ROCK1: variants seen among roughly 807,000 people sequenced by gnomAD.
The protein encoded by ROCK1 is Rho associated coiled-coil containing protein kinase 1, also known as rho-associated protein kinase 1.
Under a neutral mutation model 196.8 loss-of-function variants are expected in ROCK1, and 36 were observed. The observed-to-expected ratio is 0.18, with a 90% CI of 0.14 to 0.24. The LOEUF is 0.24. ROCK1 is among the 10% of genes least tolerant of loss of function. The probability of loss-of-function intolerance (pLI) is 1.00; values close to 1 mark genes in which losing one functional copy is unlikely to be tolerated. For missense variants in ROCK1, 920 were observed against 1,562.0 expected (o/e 0.59, Z 6.93); for synonymous variants, 443 against 515.9 (o/e 0.86, Z 1.91).
At chr18:21,083,884 G>C (rs1391191394) in intron 1 of ROCK1, among the ~76,000 whole-genome samples, 4 of 152,142 alleles carry the variant, frequency 2.6e-5, no homozygotes, top group Non-Finnish European at 5.9e-5. Context: ...TATGGAGAGA[G>C]GGTAGTGGTC....
chr18:21,064,256 T>C (rs1231921475), intron 2 of ROCK1, among the ~76,000 whole-genome samples: 2 of 152,184 alleles, frequency 1.3e-5, no homozygotes, highest in Non-Finnish European at 2.9e-5. Flanking sequence ...TGTCATACTT[T>C]TGGAAGACTC....
chr18:21,041,452 C>G (rs530077694), intron 8 of ROCK1, among the ~76,000 whole-genome samples: 7 of 151,960 alleles, frequency 4.6e-5, no homozygotes, highest in Non-Finnish European at 7.4e-5. Flanking sequence ...ACTAATACAT[C>G]TGGTTCACTT....
chr18:21,110,198 T>C (rs1202525400), intron 1 of ROCK1, among the ~76,000 whole-genome samples: 1 of 152,188 alleles, frequency 6.6e-6, no homozygotes, highest in Non-Finnish European at 1.5e-5. Context: ...AACTGTATGG[T>C]ACGTACTTTT....
intron 11 of ROCK1, among the ~76,000 whole-genome samples, chr18:21,021,689 C>T (rs894356637): frequency 1.3e-5 from 2 of 152,044 alleles, no homozygotes; most frequent in African/African-American, 4.8e-5. Context: ...TAGTATATCC[C>T]CCCTGATATT....
chr18:21,104,315 T>C lies in ROCK1; in HGVS notation c.93+6503A>G, dbSNP rs576128790. Among the ~76,000 whole-genome samples, 4 of 152,310 alleles carry C rather than the reference T, an allele frequency of 2.6e-5. 1 individual carries two copies. The South Asian group carries it at 8.3e-4, about 32-fold the overall frequency. On this transcript the variant is annotated intron_variant, in intron 1 of 32. Coordinates refer to ENST00000399799, the MANE Select transcript of ROCK1 (RefSeq NM_005406.3). ...CCTTCTTCTGGATTAAAAACATTTC[T>C]GGGCAGGGTGCGGCGCTCATGCCTG...
chr18:21,105,020 T>G (rs1417840221), intron 1 of ROCK1, among the ~76,000 whole-genome samples: 1 of 152,210 alleles, frequency 6.6e-6, no homozygotes, highest in Non-Finnish European at 1.5e-5. Context: ...TATCAACTTC[T>G]AGACTAAGCA....
chr18:20,956,083 CTCTT>C (rs1003788799), intron 29 of ROCK1, among the ~76,000 whole-genome samples: 1 of 151,934 alleles, frequency 6.6e-6, no homozygotes, highest in African/African-American at 2.4e-5. Context: ...AGGAGTAAAA[CTCTT>C]TATTTGGCGA....
At chr18:21,066,976 G>A (rs2036340182) in intron 2 of ROCK1, among the ~76,000 whole-genome samples, 2 of 152,168 alleles carry the variant, frequency 1.3e-5, no homozygotes, top group African/African-American at 4.8e-5. Flanking sequence ...ATAGTAAAGT[G>A]CATGTATAAC....
At chr18:21,012,726 G>A (rs1029764397) in intron 13 of ROCK1, among the ~76,000 whole-genome samples, 12 of 151,936 alleles carry the variant, frequency 7.9e-5, no homozygotes, top group African/African-American at 2.7e-4. Context: ...TTCTTCCCAC[G>A]CCCTTTCTCC....
At chr18:20,968,683 C>T in intron 25 of ROCK1, 89 bp downstream of exon 25, 1 of 767,660 alleles carries the variant, frequency 1.3e-6, no homozygotes, top group East Asian at 2.5e-5. Context: ...AAGCTTGAAC[C>T]TTATAAGCCT....
intron 1 of ROCK1, among the ~76,000 whole-genome samples, chr18:21,078,990 TG>T (rs2036459620): frequency 6.6e-6 from 1 of 152,136 alleles, no homozygotes; most frequent in Non-Finnish European, 1.5e-5. Context: ...TCAACTAAAT[TG>T]GGGTATAGAG....
intron 2 of ROCK1, among the ~76,000 whole-genome samples, chr18:21,052,609 G>A (rs2036212835): frequency 6.6e-6 from 1 of 152,164 alleles, no homozygotes; most frequent in Admixed American, 6.5e-5. Context: ...CAGTGGGTAG[G>A]CAAGCATTAC....
At chr18:20,958,554 T>C (rs1359701297) in intron 29 of ROCK1, among the ~76,000 whole-genome samples, 2 of 151,944 alleles carry the variant, frequency 1.3e-5, no homozygotes, top group Non-Finnish European at 2.9e-5. Context: ...ATAGGCCTCT[T>C]TGACCTATCA....
intron 16 of ROCK1, among the ~76,000 whole-genome samples, chr18:20,997,284 G>A (rs1325754307): frequency 6.6e-6 from 1 of 151,986 alleles, no homozygotes; most frequent in Non-Finnish European, 1.5e-5. Context: ...CAAGGGGATG[G>A]AAACAGATAT....
intron 1 of ROCK1, among the ~76,000 whole-genome samples, chr18:21,076,174 A>C (rs2036429263): frequency 1.3e-5 from 2 of 152,360 alleles, no homozygotes; most frequent in Non-Finnish European, 2.9e-5. Flanking sequence ...ATGGTCGCAC[A>C]ACAACGTGAA....
chr18:21,027,950 A>G (rs2035974422), intron 10 of ROCK1, among the ~76,000 whole-genome samples: 1 of 144,180 alleles, frequency 6.9e-6, no homozygotes. Context: ...TTTAGTAGAG[A>G]TGGGGTTTCA....
chr18:21,085,241 C>T (rs571552482), intron 1 of ROCK1, among the ~76,000 whole-genome samples: 6 of 146,902 alleles, frequency 4.1e-5, no homozygotes, highest in East Asian at 4.1e-4. Flanking sequence ...AAAACGGAGG[C>T]GGATGCAGTG....
chr18:21,000,715 C>G (rs1235877266), intron 16 of ROCK1, among the ~76,000 whole-genome samples: 1 of 152,090 alleles, frequency 6.6e-6, no homozygotes. Flanking sequence ...ATGGGACAAC[C>G]ACCACATACC....
intron 2 of ROCK1, among the ~76,000 whole-genome samples, chr18:21,064,629 T>C (rs2036318729): frequency 6.6e-6 from 1 of 152,234 alleles, no homozygotes; most frequent in African/African-American, 2.4e-5. Context: ...GAATGACTTG[T>C]AAAGGGCTTA....
Sources: gnomAD v4.1 joint callset for allele counts (sites outside exome capture counted in the v4.1 genomes callset) on GRCh38, gnomAD v4.1.1 for gene constraint, MANE v1.5 for transcripts, NCBI Gene and HGNC (gene_info 2026-07-23, HGNC 2026-07-21) for gene names.